Variants in TANC2 observed in about 807,000 individuals in gnomAD.
TANC2 encodes tetratricopeptide repeat, ankyrin repeat and coiled-coil containing 2.
TANC2 carries 26 observed loss-of-function variants against 210.5 expected under a neutral mutation model. The observed-to-expected ratio is 0.12, with a 90% confidence interval of 0.09 to 0.17. The LOEUF is 0.17. Ranked by LOEUF, TANC2 falls within the 10% of genes least tolerant of loss-of-function variation. The pLI is 1.00. For synonymous variants in TANC2, 931 were observed against 967.1 expected (o/e 0.96, Z 0.69); for missense variants, 2,129 against 2,608.9 (o/e 0.82, Z 4.01).
At chr17:63,027,191 A>G (rs923465593) in intron 2 of TANC2, among the ~76,000 whole-genome samples, 30 of 152,286 alleles carry the variant, frequency 2.0e-4, no homozygotes, top group Admixed American at 1.7e-3. Context: ...ATTAAGTTAA[A>G]CAATTTAAAC....
At chr17:63,119,091 A>AT (rs998189654) in intron 4 of TANC2, among the ~76,000 whole-genome samples, 7 of 151,722 alleles carry the variant, frequency 4.6e-5, no homozygotes, top group African/African-American at 1.7e-4. Context: ...CCTCCAACTA[A>AT]TTTTTTTAAA....
At chr17:63,221,597 T>C (rs1217341171) in intron 7 of TANC2, among the ~76,000 whole-genome samples, 1 of 152,058 alleles carries the variant, frequency 6.6e-6, no homozygotes, top group Non-Finnish European at 1.5e-5. Context: ...TTCAATAAAA[T>C]GAGCAAGCGA....
intron 12 of TANC2, among the ~76,000 whole-genome samples, chr17:63,344,923 T>C (rs1242461741): frequency 4.6e-5 from 7 of 152,154 alleles, no homozygotes. Context: ...TTGGGAGGCA[T>C]GTATTGCCAT....
chr17:63,343,128 A>C (rs1430268051), intron 12 of TANC2, among the ~76,000 whole-genome samples: 1 of 152,258 alleles, frequency 6.6e-6, no homozygotes, highest in Non-Finnish European at 1.5e-5. Flanking sequence ...TAATATCAAC[A>C]ATTACATTAC....
chr17:63,222,316 T>C (rs975627307), intron 7 of TANC2, among the ~76,000 whole-genome samples: 3 of 152,200 alleles, frequency 2.0e-5, no homozygotes, highest in African/African-American at 7.2e-5. Context: ...CCATAGCAGC[T>C]GAAAACTTGA....
At chr17:63,132,734 A>G (rs1412627427) in intron 4 of TANC2, among the ~76,000 whole-genome samples, 2 of 152,216 alleles carry the variant, frequency 1.3e-5, no homozygotes, top group African/African-American at 2.4e-5. Flanking sequence ...GGTCAGAGAA[A>G]TATGATTCTT....
intron 2 of TANC2, among the ~76,000 whole-genome samples, chr17:63,035,173 TAG>T (rs757345709): frequency 2.0e-5 from 3 of 152,146 alleles, no homozygotes; most frequent in Non-Finnish European, 4.4e-5. Context: ...TCCATCAACA[TAG>T]AGAAAGACCC....
At chr17:63,269,822 G>T (rs2043643081) in intron 9 of TANC2, among the ~76,000 whole-genome samples, 1 of 152,110 alleles carries the variant, frequency 6.6e-6, no homozygotes, top group African/African-American at 2.4e-5. Context: ...GAAGCATTCA[G>T]TGAAACAACA....
chr17:63,290,460 A>G (rs1480814537), intron 9 of TANC2, among the ~76,000 whole-genome samples: 2 of 151,932 alleles, frequency 1.3e-5, no homozygotes, highest in East Asian at 3.9e-4. Flanking sequence ...TCAGGTTTTT[A>G]CTTGTTGTTA....
intron 13 of TANC2, among the ~76,000 whole-genome samples, chr17:63,353,606 A>G (rs2046687810): frequency 6.6e-6 from 1 of 152,034 alleles, no homozygotes; most frequent in Non-Finnish European, 1.5e-5. Context: ...TAAAGAATCT[A>G]TTGATGGGAG....
intron 5 of TANC2, among the ~76,000 whole-genome samples, chr17:63,192,321 C>T (rs1369802609): frequency 6.6e-6 from 1 of 152,214 alleles, no homozygotes; most frequent in Non-Finnish European, 1.5e-5. Flanking sequence ...TAGCCACTCA[C>T]AGAAGAATTC....
intron 8 of TANC2, among the ~76,000 whole-genome samples, chr17:63,264,803 T>TA (rs1376997498): frequency 6.6e-6 from 1 of 152,008 alleles, no homozygotes; most frequent in East Asian, 1.9e-4. Context: ...ATAGTAATTT[T>TA]AAAAAATTAG....
chr17:63,406,545 A>T (rs2048514046), intron 21 of TANC2, among the ~76,000 whole-genome samples: 1 of 152,290 alleles, frequency 6.6e-6, no homozygotes, highest in South Asian at 2.1e-4. Context: ...TTGATTTTTT[A>T]AAAATATATA....
rs574620259 is a variant in TANC2 at position 63,393,780 on chromosome 17, T to A, written c.3052-1963T>A. Among the ~76,000 whole-genome samples the A allele has an allele frequency of 2.3e-3, 346 of 151,360 alleles. 2 individuals are homozygous for A. Among genetic ancestry groups the A allele is most frequent in the Admixed American group, 0.013 (202 of 15,226 alleles). On this transcript the variant is annotated intron_variant, in intron 17 of 27. Coordinates refer to ENST00000689528, the Ensembl canonical transcript of TANC2. ...AGTATTATTATTATTATTATTATTTTTTTTTTTTGAGAGGAGTTTCACTCT... is the reference window on the plus strand; with the variant it reads ...AGTATTATTATTATTATTATTATTTATTTTTTTTGAGAGGAGTTTCACTCT...
intron 2 of TANC2, among the ~76,000 whole-genome samples, chr17:63,031,992 G>A (rs750371512): frequency 3.9e-5 from 6 of 152,126 alleles, no homozygotes; most frequent in Admixed American, 6.6e-5. Context: ...TACAGCAAGT[G>A]TAAAGACGAA....
chr17:63,303,807 T>C (rs1344680764), intron 9 of TANC2, among the ~76,000 whole-genome samples: 1 of 151,972 alleles, frequency 6.6e-6, no homozygotes, highest in Non-Finnish European at 1.5e-5. Flanking sequence ...TCATTCTTTT[T>C]TCTCTAATCT....
At position 63,299,928 on chromosome 17, in the gene TANC2, G is replaced by A. The variant is rs146356134; in HGVS notation, c.1160-14460G>A. Among the ~76,000 whole-genome samples the A allele has an allele frequency of 6.0e-3, 911 of 152,110 alleles. 2 individuals are homozygous for A. The highest frequency in any genetic ancestry group is 0.01 in the Non-Finnish European group (689 of 67,962). ...TTTATGGTTTAGGGTTTTACATTTA[G>A]GTCTTTAATCCATCTTGAGTTAATT... is the stretch of plus-strand genomic sequence containing the variant. On this transcript the variant is annotated intron_variant, in intron 9 of 27. Coordinates refer to ENST00000689528, the Ensembl canonical transcript of TANC2.
chr17:63,004,675 C>G (rs1432448197), intron 1 of TANC2: 5 of 292,578 alleles, frequency 1.7e-5, no homozygotes, highest in Non-Finnish European at 3.3e-5. Flanking sequence ...CGTACAGTCA[C>G]CAGAGGTCCA....
At chr17:63,308,506 C>A (rs1395793929) in intron 9 of TANC2, among the ~76,000 whole-genome samples, 3 of 152,176 alleles carry the variant, frequency 2.0e-5, no homozygotes, top group Admixed American at 6.5e-5. Flanking sequence ...GAAATATAAA[C>A]CAAGTACTCA....
Sources: allele counts gnomAD v4.1 joint callset (sites outside exome capture counted in the v4.1 genomes callset), GRCh38; gene constraint gnomAD v4.1.1; transcripts MANE v1.5; gene names NCBI Gene and HGNC (gene_info 2026-07-23, HGNC 2026-07-21).